The following ALG1L2 variants were observed in gnomAD, a reference collection of about 807,000 sequenced individuals.
The protein encoded by ALG1L2 is ALG1 chitobiosyldiphosphodolichol beta-mannosyltransferase like 2, also known as putative glycosyltransferase ALG1L2.
Under a neutral mutation model 29.0 loss-of-function variants are expected in ALG1L2, and 32 were observed. That is an observed-to-expected ratio of 1.10 (90% CI 0.83 to 1.48). ALG1L2 has a LOEUF of 1.48. Among genes scored for constraint, ALG1L2 ranks in the 40% most tolerant of loss-of-function variants. ALG1L2 has a pLI of 0.00. For missense variants in ALG1L2, 318 were observed against 274.1 expected, an observed-to-expected ratio of 1.16 and a Z score of -1.13; for synonymous variants, 110 against 109.5, an observed-to-expected ratio of 1.00 and a Z score of -0.03.
At chr3:130,084,801 G>A (rs1304075232) in intron 1 of ALG1L2, among the ~76,000 whole-genome samples, 1 of 128,476 alleles carries the variant, frequency 7.8e-6, no homozygotes, top group Non-Finnish European at 1.8e-5. Context: ...CTTATCTTGT[G>A]GAGCAGAAGT....
chr3:130,090,007 A>T (rs1384828406), intron 1 of ALG1L2, among the ~76,000 whole-genome samples: 1 of 152,274 alleles, frequency 6.6e-6, no homozygotes, highest in East Asian at 1.9e-4. Context: ...ACGCCACTGC[A>T]CTCCAGCCTG....
chr3:130,091,834 A>C, intron 2 of ALG1L2: 3 of 686,972 alleles, frequency 4.4e-6, no homozygotes, highest in Non-Finnish European at 7.8e-6. Context: ...TAGCACCCTC[A>C]TCTTGGGTCC....
In ALG1L2 at chr3:130,096,115, T is replaced by C. The variant is rs758897466; in HGVS notation, c.491T>C (p.Val164Ala). The C allele has an allele frequency of 1.9e-5, 30 of 1,611,842 alleles. No homozygotes were observed. Among genetic ancestry groups the C allele is most frequent in the African/African-American group, 1.3e-5 (1 of 74,852 alleles). ...GGCCTGGACCTGCCCATGAAGGTGG[T>C]GGACATGTTCAGGTGCTGTTTGCCT... ...SSGLDLPMKV[V>A]DMFRCCLPAC... is the part of the protein sequence containing the mutation. Residue 164 changes from valine to alanine, a missense_variant, in exon 6 of 8, where the codon GTG (valine) becomes GCG (alanine). Val to Ala is a moderately conservative substitution (Grantham distance 64, BLOSUM62 0). Transcript: ENST00000425059.
intron 1 of ALG1L2, among the ~76,000 whole-genome samples, chr3:130,088,122 T>A: frequency 6.6e-6 from 1 of 152,282 alleles, no homozygotes; most frequent in Non-Finnish European, 1.5e-5. Flanking sequence ...TCTTGGTCCT[T>A]CCACTAATAA....
intron 1 of ALG1L2, chr3:130,090,979 A>C (rs1935001709): frequency 2.4e-6 from 1 of 424,278 alleles, no homozygotes; most frequent in African/African-American, 2.0e-5. Context: ...TGTGTGTCTT[A>C]TCTGTCCTGT....
intron 5 of ALG1L2, among the ~76,000 whole-genome samples, chr3:130,095,525 T>C (rs1935111648): frequency 6.6e-6 from 1 of 151,830 alleles, no homozygotes; most frequent in African/African-American, 2.4e-5. Context: ...AACCTCTTCT[T>C]TCCCAGGTTC....
chr3:130,091,627 A>G (rs1935016212), intron 2 of ALG1L2: 4 of 579,616 alleles, frequency 6.9e-6, no homozygotes, highest in Non-Finnish European at 1.2e-5. Context: ...CAAAGCCTGA[A>G]GTATTTACTC....
In ALG1L2 at chr3:130,093,933, C is replaced by T. The variant is rs1352405564; in HGVS notation, c.314-470C>T. The T allele has an allele frequency of 1.5e-4, 31 of 212,174 alleles. No homozygotes were observed. In the East Asian group the frequency reaches 3.7e-3, roughly 26 times the overall value. 13.1% of individuals were successfully genotyped at this position (212,174 alleles called of 1,614,324 possible). A position where few individuals can be genotyped will look rare whatever the true frequency, so the allele number is the denominator to read the frequency against. ...GCTCCCAGGACTGGTTTGGAACCCG[C>T]GCCATGTGCTCTGGAGGCTGTGGCA... On this transcript the variant is annotated intron_variant, in intron 4 of 7. Transcript: ENST00000425059.
chr3:130,090,765 C>T, intron 1 of ALG1L2: 1 of 159,874 alleles, frequency 6.3e-6, no homozygotes, highest in Non-Finnish European at 1.4e-5. Context: ...AGTAGACTCT[C>T]ATCAAAGAGC....
chr3:130,092,882 T>C (rs1269144368), intron 3 of ALG1L2, among the ~76,000 whole-genome samples: 1 of 151,900 alleles, frequency 6.6e-6, no homozygotes, highest in Non-Finnish European at 1.5e-5. Context: ...ATACAAAAAT[T>C]AGCTAGGTAT....
At chr3:130,095,628 G>A (rs960404493) in intron 5 of ALG1L2, among the ~76,000 whole-genome samples, 3 of 150,586 alleles carry the variant, frequency 2.0e-5, no homozygotes, top group African/African-American at 7.4e-5. Flanking sequence ...TTTTAGTAGA[G>A]ATGGGGTTTC....
intron 1 of ALG1L2, among the ~76,000 whole-genome samples, chr3:130,087,268 A>G (rs1934911837): frequency 6.6e-6 from 1 of 150,500 alleles, no homozygotes; most frequent in South Asian, 2.1e-4. Context: ...ATGCATAAGA[A>G]TATCACCGCC....
intron 7 of ALG1L2, among the ~76,000 whole-genome samples, chr3:130,097,968 C>G (rs1232813669): frequency 1.3e-5 from 2 of 152,214 alleles, no homozygotes; most frequent in Non-Finnish European, 2.9e-5. Context: ...AGGGTGCTCA[C>G]AGGGGAACGT....
intron 1 of ALG1L2, among the ~76,000 whole-genome samples, chr3:130,085,361 G>A (rs74366925): frequency 1.7e-3 from 92 of 55,010 alleles, no homozygotes; most frequent in Middle Eastern, 0.015. Flanking sequence ...CTCCCAAAGT[G>A]CTAGGATTAC....
In ALG1L2 at chr3:130,093,909, C is replaced by T. The variant is rs574047206; in HGVS notation, c.314-494C>T. Reference sequence around the variant, plus strand: ...TCTCCTCCCTCCTCTGGCCTCTAGGCTCCCAGGACTGGTTTGGAACCCGCG... The same window carrying T: ...TCTCCTCCCTCCTCTGGCCTCTAGGTTCCCAGGACTGGTTTGGAACCCGCG... On this transcript the variant is annotated intron_variant, in intron 4 of 7. Transcript: ENST00000425059. 4.6e-4 allele frequency: 91 copies of T among 196,242 alleles called. 2 individuals are homozygous for T. The South Asian group carries it at 7.2e-3, about 16-fold the overall frequency. 12.2% of individuals were successfully genotyped at this position (196,242 alleles called of 1,614,324 possible).
At chr3:130,090,751 GGA>G (rs141679280) in intron 1 of ALG1L2, 4,138 of 146,048 alleles carry the variant, frequency 0.028, 166 homozygotes, top group African/African-American at 0.098. Context: ...GACAAATGGT[GGA>G]GAGTAGACTC....
rs1045416233 is a variant in ALG1L2, at chr3:130,091,949, G to A, written c.132-152G>A. ...AACAATATTAGAGAAAGCAAGCCCAGGCCTCGATTGGCAGGGGTGGCCTGG... is the reference window on the plus strand; with the variant it reads ...AACAATATTAGAGAAAGCAAGCCCAAGCCTCGATTGGCAGGGGTGGCCTGG... On this transcript the variant is annotated intron_variant, in intron 2 of 7. Transcript: ENST00000425059. The A allele has an allele frequency of 1.6e-5, 20 of 1,269,248 alleles. 1 individual carries two copies. Among genetic ancestry groups the A allele is most frequent in the Non-Finnish European group, 2.2e-5 (20 of 903,768 alleles). 78.6% of individuals were successfully genotyped at this position (1,269,248 alleles called of 1,614,324 possible).
intron 1 of ALG1L2, among the ~76,000 whole-genome samples, chr3:130,084,455 T>C (rs1934849293): frequency 1.4e-5 from 2 of 143,840 alleles, no homozygotes; most frequent in Non-Finnish European, 1.6e-5. Context: ...GGGGTTTTAT[T>C]ATCTCAAGTG....
intron 4 of ALG1L2, chr3:130,094,090 A>C: frequency 2.4e-6 from 1 of 414,804 alleles, no homozygotes; most frequent in African/African-American, 2.0e-5. Flanking sequence ...CCTGTGCACA[A>C]CACAGACAGA....
Sources: allele counts gnomAD v4.1 joint callset (sites outside exome capture counted in the v4.1 genomes callset), GRCh38; gene constraint gnomAD v4.1.1; transcripts MANE v1.5; gene names NCBI Gene and HGNC (gene_info 2026-07-23, HGNC 2026-07-21).